Variants in COL14A1 observed in about 807,000 individuals in gnomAD.
COL14A1 encodes the protein collagen alpha-1(XIV) chain.
Under a neutral mutation model 230.3 loss-of-function variants are expected in COL14A1, and 136 were observed. The ratio of observed to expected loss-of-function variants is 0.59; its 90% CI spans 0.51 to 0.68. The LOEUF (loss-of-function observed/expected upper bound fraction) is 0.68. Among genes scored for constraint, COL14A1 ranks in the 30% least tolerant of loss-of-function variants. COL14A1 has a pLI of 0.00. For synonymous variants in COL14A1, 792 were observed against 784.1 expected (o/e 1.01, Z -0.17); for missense variants, 1,976 against 2,215.8 (o/e 0.89, Z 2.17).
chr8:120,258,836 A>G lies in COL14A1; in HGVS notation c.2869+3480A>G, dbSNP rs146830359. ...GTCCTCCATTAGTTCTGCAGATGCT[A>G]TGGGATTTTATCCCTCTCTCCAGCT... On this transcript the variant is annotated intron_variant, in intron 23 of 47. Transcript: ENST00000297848. 4.5e-3 allele frequency among the ~76,000 whole-genome samples: 689 copies of G among 152,248 alleles called. 4 individuals are homozygous for G. Among genetic ancestry groups the G allele is most frequent in the Non-Finnish European group, 3.7e-3 (255 of 68,018 alleles).
chr8:120,166,916 GTGTGTGGTGGTGATGA>G (rs1282716784), intron 4 of COL14A1, among the ~76,000 whole-genome samples: 43 of 147,304 alleles, frequency 2.9e-4, no homozygotes, highest in African/African-American at 9.8e-4. Context: ...GTGTGTGTGT[GTGTGTGGTGGTGATGA>G]TGGTGGTGGT....
chr8:120,285,554 CT>C (rs1342563622), intron 32 of COL14A1, among the ~76,000 whole-genome samples: 2 of 150,416 alleles, frequency 1.3e-5, no homozygotes, highest in African/African-American at 4.9e-5. Context: ...TCTGCCTCTA[CT>C]TCCAGCTTTG....
At chr8:120,175,000 G>T (rs1028387699) in intron 5 of COL14A1, among the ~76,000 whole-genome samples, 7 of 152,138 alleles carry the variant, frequency 4.6e-5, no homozygotes, top group Non-Finnish European at 1.5e-5. Flanking sequence ...TAACTATACT[G>T]CTCTTTGTTT....
chr8:120,196,979 T>C, intron 6 of COL14A1, 33 bp downstream of exon 6: 1 of 1,604,320 alleles, frequency 6.2e-7, no homozygotes, highest in African/African-American at 1.3e-5. Context: ...TAGCAGTCAG[T>C]TGTCAGTGCA....
chr8:120,342,012 G>A (rs1822315744), intron 43 of COL14A1, among the ~76,000 whole-genome samples: 1 of 152,114 alleles, frequency 6.6e-6, no homozygotes, highest in African/African-American at 2.4e-5. Context: ...TCTTTCCTCT[G>A]GGTTGCTATT....
chr8:120,215,384 AAAG>A (rs1563676776), intron 13 of COL14A1, among the ~76,000 whole-genome samples: 1 of 151,718 alleles, frequency 6.6e-6, no homozygotes, highest in Non-Finnish European at 1.5e-5. Context: ...GAAAGAAAGA[AAAG>A]AAAGGAAGGA....
chr8:120,227,504 G>A, intron 17 of COL14A1, 152 bp downstream of exon 17: 1 of 948,968 alleles, frequency 1.1e-6, no homozygotes, highest in South Asian at 1.7e-5. Context: ...CACTTTCAAT[G>A]AAACCAGTAT....
At chr8:120,182,008 ATTC>A (rs1423497701) in intron 5 of COL14A1, among the ~76,000 whole-genome samples, 1 of 152,116 alleles carries the variant, frequency 6.6e-6, no homozygotes, top group Non-Finnish European at 1.5e-5. Flanking sequence ...ATCAGATGAA[ATTC>A]TTCTAGCGTT....
Position 120,152,495 on chromosome 8 carries a change from G to C in COL14A1, c.88+4565G>C, listed in dbSNP as rs1272054260. Among the ~76,000 whole-genome samples, 8 of 101,126 alleles carry C rather than the reference G, an allele frequency of 7.9e-5. No individual in the cohort carries two copies. The East Asian group carries it at 2.4e-3, about 31-fold the overall frequency. The allele number at this position is 101,126 out of a possible 152,430, so 66.3% of individuals were successfully genotyped here. ...AAAAAAAAAAAAAAAAAAAAAAAAA[G>C]ACATACAGGAAATTAATTCTTGCTC... is the stretch of plus-strand genomic sequence containing the variant. On this transcript the variant is annotated intron_variant, in intron 2 of 47. Coordinates refer to ENST00000297848, the MANE Select transcript of COL14A1 (RefSeq NM_021110.4).
chr8:120,324,156 C>A (rs531475836), intron 40 of COL14A1, among the ~76,000 whole-genome samples: 1 of 151,698 alleles, frequency 6.6e-6, no homozygotes, highest in Admixed American at 6.6e-5. Flanking sequence ...ATAATCTGTA[C>A]AACAGACCCC....
intron 2 of COL14A1, among the ~76,000 whole-genome samples, chr8:120,150,110 T>G (rs79031462): frequency 0.018 from 2,752 of 152,334 alleles, 37 homozygotes; most frequent in Non-Finnish European, 0.03. Context: ...CAGGTTACTG[T>G]GTACTAGGGA....
At chr8:120,248,861 T>C (rs1281738779) in intron 21 of COL14A1, among the ~76,000 whole-genome samples, 3 of 138,640 alleles carry the variant, frequency 2.2e-5, no homozygotes, top group African/African-American at 8.0e-5. Flanking sequence ...TCTCAAAAAA[T>C]AAAAATAAAA....
chr8:120,308,673 A>G (rs1264036072), intron 36 of COL14A1, among the ~76,000 whole-genome samples: 1 of 152,234 alleles, frequency 6.6e-6, no homozygotes, highest in African/African-American at 2.4e-5. Context: ...AGGAAATTTT[A>G]AAGATCACCT....
chr8:120,289,573 T>C (rs370713165), intron 33 of COL14A1, 35 bp from the exon 34 acceptor site: 2 of 1,597,482 alleles, frequency 1.3e-6, no homozygotes, highest in South Asian at 1.1e-5. Flanking sequence ...TTTCCTTCTG[T>C]TTCTTACCTC....
At chr8:120,195,394 C>A (rs1817000291) in intron 5 of COL14A1, among the ~76,000 whole-genome samples, 1 of 152,110 alleles carries the variant, frequency 6.6e-6, no homozygotes, top group African/African-American at 2.4e-5. Flanking sequence ...CCTCTGCCCG[C>A]CACACACACT....
intron 32 of COL14A1, 132 bp from the exon 33 acceptor site, chr8:120,285,723 ACACTTC>A (rs1413529997): frequency 3.5e-5 from 22 of 631,706 alleles, no homozygotes; most frequent in Non-Finnish European, 5.8e-5. Flanking sequence ...GGACTGTAGA[ACACTTC>A]CTTACTCATC....
chr8:120,355,348 A>G (rs1469983594), intron 45 of COL14A1, among the ~76,000 whole-genome samples: 3 of 152,160 alleles, frequency 2.0e-5, no homozygotes. Context: ...TATAGTTCAC[A>G]AAATTAAGTT....
At chr8:120,130,941 C>T (rs1037191945) in intron 1 of COL14A1, among the ~76,000 whole-genome samples, 6 of 152,104 alleles carry the variant, frequency 3.9e-5, no homozygotes, top group Admixed American at 6.6e-5. Context: ...TACTGTTTAG[C>T]TCCTACTTAT....
At chr8:120,129,916 A>G (rs146095432) in intron 1 of COL14A1, among the ~76,000 whole-genome samples, 2 of 152,308 alleles carry the variant, frequency 1.3e-5, no homozygotes, top group Admixed American at 6.5e-5. Context: ...TAAACTGCCC[A>G]TCTAGATGTC....
Sources: gnomAD v4.1 joint callset for allele counts (sites outside exome capture counted in the v4.1 genomes callset) on GRCh38, gnomAD v4.1.1 for gene constraint, MANE v1.5 for transcripts, NCBI Gene and HGNC (gene_info 2026-07-23, HGNC 2026-07-21) for gene names.